Variants in RNF123 observed in about 807,000 individuals in gnomAD.
RNF123 encodes E3 ubiquitin-protein ligase RNF123.
Under a neutral mutation model 168.5 loss-of-function variants are expected in RNF123, and 86 were observed. The ratio of observed to expected loss-of-function variants is 0.51; its 90% CI spans 0.43 to 0.61. The LOEUF (loss-of-function observed/expected upper bound fraction) is 0.61. Ranked by LOEUF, RNF123 falls within the 20% of genes least tolerant of loss-of-function variation. The pLI, the probability that RNF123 is intolerant of heterozygous loss-of-function variation, is 0.00. For synonymous variants in RNF123, 666 were observed against 689.1 expected (o/e 0.97, Z 0.52); for missense variants, 1,419 against 1,729.7 (o/e 0.82, Z 3.19).
intron 35 of RNF123, chr3:49,718,569 G>T: frequency 1.2e-6 from 2 of 1,613,122 alleles, no homozygotes; most frequent in South Asian, 1.1e-5. Context: ...TGGTGTTGCA[G>T]TAAAGCCTCA....
chr3:49,710,600 A>G (rs1449510367), intron 26 of RNF123, among the ~76,000 whole-genome samples: 1 of 152,098 alleles, frequency 6.6e-6, no homozygotes, highest in Non-Finnish European at 1.5e-5. Flanking sequence ...ATTTTGCTGA[A>G]TTTATTTATT....
At chr3:49,715,138 G>T (rs2080214670) in intron 31 of RNF123, among the ~76,000 whole-genome samples, 1 of 152,284 alleles carries the variant, frequency 6.6e-6, no homozygotes, top group African/African-American at 2.4e-5. Flanking sequence ...CAGGCCAAGG[G>T]CAGCAGAGGA....
At chr3:49,708,415 A>G (rs1249134622) in intron 26 of RNF123, among the ~76,000 whole-genome samples, 1 of 152,094 alleles carries the variant, frequency 6.6e-6, no homozygotes, top group Non-Finnish European at 1.5e-5. Flanking sequence ...GCTCCCACCC[A>G]TCCCCACCTG....
rs535617958 is a variant in RNF123, at chr3:49,702,978, C to T, written c.1750+225C>T. Among the ~76,000 whole-genome samples, 15 of 152,340 alleles carry T rather than the reference C, an allele frequency of 9.8e-5. No individual in the cohort carries two copies. In the East Asian group the frequency reaches 1.7e-3, roughly 18 times the overall value. On this transcript the variant is annotated intron_variant, in intron 20 of 38. Transcript: ENST00000327697. ...TCCTGTGTTTGCTCTGATTGTCCCA[C>T]GGGCTCCTACCATTGTGGGCTCTTT...
chr3:49,699,168 G>A lies in RNF123; in HGVS notation c.764+63G>A. The stretch of plus-strand genomic sequence containing the variant: ...GCTCTTGGGGAGGCTGGGATGAGGG[G>A]CTCCCTACCCCAGGGGTGCCATGGG... On this transcript the variant is annotated intron_variant, in intron 10 of 38. Coordinates refer to ENST00000327697, the MANE Select transcript of RNF123 (RefSeq NM_022064.5). This position sits in a 1 kb window ranked among gnomAD's most constrained non-coding sequence, Gnocchi z 4.8. 1 of 1,568,112 alleles carries A rather than the reference G, an allele frequency of 6.4e-7. No homozygotes were observed.
rs371586883 is a variant in RNF123, at chr3:49,716,594, G to C, written c.3500+117G>C. ...TCTGGAAAATGGACCTCAGCATCAG[G>C]TTTTGAGGCAGAGGGAAGGTGGTGA... is the stretch of plus-strand genomic sequence containing the variant. On this transcript the variant is annotated intron_variant, in intron 35 of 38. Transcript: ENST00000327697. 279 of 899,508 alleles carry C rather than the reference G, an allele frequency of 3.1e-4. 1 individual carries two copies. The South Asian group carries it at 3.8e-3, about 12-fold the overall frequency. 55.7% of individuals were successfully genotyped at this position (899,508 alleles called of 1,614,324 possible).
intron 26 of RNF123, among the ~76,000 whole-genome samples, chr3:49,707,811 C>T (rs558921758): frequency 7.0e-4 from 107 of 152,156 alleles, no homozygotes; most frequent in African/African-American, 2.4e-3. Context: ...CGGGAACTTC[C>T]TCTCCCTTCT....
rs779447603 is a variant in RNF123 at position 49,720,570 on chromosome 3, G to GCTAT, written c.3563_3566dup (p.Leu1190SerfsTer18). On this transcript the variant is annotated frameshift_variant, in exon 36 of 39. Transcript: ENST00000327697. LOFTEE classifies it high-confidence loss of function. ...CCCTGCTTCCAGCTACGCTCAATATGCTATCTCCTGGGACAGCCAGAGCCC... is the reference window on the plus strand; with the variant it reads ...CCCTGCTTCCAGCTACGCTCAATATGCTATCTATCTCCTGGGACAGCCAGAGCCC... 12 of 1,611,876 alleles carry GCTAT rather than the reference G, an allele frequency of 7.4e-6. No homozygotes were observed. Among genetic ancestry groups the GCTAT allele is most frequent in the African/African-American group, 5.3e-5 (4 of 74,854 alleles).
At position 49,721,266 on chromosome 3, in the gene RNF123, G is replaced by A. The variant is rs768685100; in HGVS notation, c.3906G>A (p.Glu1302=). 2 of 1,614,216 alleles carry A rather than the reference G, an allele frequency of 1.2e-6. No homozygotes were observed. Among genetic ancestry groups the A allele is most frequent in the Admixed American group, 3.3e-5 (2 of 60,032 alleles). Residue 1302 remains glutamate, a synonymous_variant, in exon 39 of 39, where the codon GAG becomes GAA. Coordinates refer to ENST00000327697, the MANE Select transcript of RNF123 (RefSeq NM_022064.5). ...KTTIVSVEDW[E]KGANTSTTSS... ...CCATCGTGTCTGTAGAGGACTGGGA[G>A]AAGGGAGCCAATACGAGTACTACCT...
chr3:49,719,474 C>T, intron 35 of RNF123: 1 of 1,606,472 alleles, frequency 6.2e-7, no homozygotes, highest in Non-Finnish European at 8.5e-7. Flanking sequence ...ATGGCGGCGA[C>T]CACCAGGGAC....
chr3:49,710,124 C>T (rs777694509), intron 26 of RNF123, among the ~76,000 whole-genome samples: 7 of 152,112 alleles, frequency 4.6e-5, no homozygotes, highest in Non-Finnish European at 8.8e-5. Flanking sequence ...GCATGAGCCA[C>T]CACACCCGGC....
At chr3:49,706,142 G>A (rs1263205940) in intron 25 of RNF123, 77 bp downstream of exon 25, 7 of 1,338,924 alleles carry the variant, frequency 5.2e-6, no homozygotes, top group Non-Finnish European at 7.5e-6. Flanking sequence ...TGGTTCTGGG[G>A]GCTGCCCTGG....
intron 23 of RNF123, 26 bp downstream of exon 23, chr3:49,705,208 G>A (rs1362609899): frequency 6.3e-7 from 1 of 1,576,996 alleles, no homozygotes; most frequent in Non-Finnish European, 8.6e-7. Context: ...GGTCAGGCAG[G>A]TCCCCGAAGG....
In RNF123 at chr3:49,698,748, A is replaced by G. The variant is rs757041624; in HGVS notation, c.571-7A>G. 2.5e-6 allele frequency: 4 copies of G among 1,613,206 alleles called. No individual in the cohort carries two copies. Among genetic ancestry groups the G allele is most frequent in the Middle Eastern group, 1.6e-4 (1 of 6,076 alleles). ...TGTGCATCTGGTGAGGCCTCCTCTC[A>G]TGGCAGGCGTGGGCAGCGGGGGACA... is the stretch of plus-strand genomic sequence containing the variant. On this transcript the variant is annotated splice_polypyrimidine_tract_variant and splice_region_variant and intron_variant, in intron 8 of 38. Coordinates refer to ENST00000327697, the MANE Select transcript of RNF123 (RefSeq NM_022064.5).
intron 15 of RNF123, among the ~76,000 whole-genome samples, 166 bp downstream of exon 15, chr3:49,700,875 G>A (rs1403580663): frequency 6.6e-6 from 1 of 152,238 alleles, no homozygotes; most frequent in East Asian, 1.9e-4. Context: ...AGAGAGCAAA[G>A]GACTGAGCCT....
rs1442962366 is a variant in RNF123, at chr3:49,719,669, C to T, written c.3501-842C>T. On this transcript the variant is annotated intron_variant, in intron 35 of 38. Transcript: ENST00000327697. ...GCACTCTTAGCCGCGCTCCCTTCGG[C>T]TTCGCTAGCCCTCTCCAAGCGAGTT... The T allele has an allele frequency of 4.2e-5, 24 of 568,958 alleles. No individual in the cohort carries two copies. In the Middle Eastern group the frequency reaches 1.4e-3, roughly 33 times the overall value. 35.2% of individuals were successfully genotyped at this position (568,958 alleles called of 1,614,324 possible). A position where few individuals can be genotyped will look rare whatever the true frequency, so the allele number is the denominator to read the frequency against.
chr3:49,719,117 A>AT (rs1401784031), intron 35 of RNF123: 4 of 1,613,572 alleles, frequency 2.5e-6, no homozygotes, highest in Non-Finnish European at 3.4e-6. Flanking sequence ...GTGTTAGATG[A>AT]TAGATCGAGC....
intron 35 of RNF123, chr3:49,718,993 G>A: frequency 1.2e-6 from 2 of 1,613,834 alleles, no homozygotes; most frequent in Non-Finnish European, 1.7e-6. Flanking sequence ...ATGGCTGAGC[G>A]CGCGCAGGCC....
chr3:49,717,909 C>G (rs776510707), intron 35 of RNF123: 2 of 1,575,098 alleles, frequency 1.3e-6, no homozygotes, highest in African/African-American at 1.4e-5. Context: ...GCAGGGCGAG[C>G]AGCAAGAGGG....
Sources: allele counts gnomAD v4.1 joint callset (sites outside exome capture counted in the v4.1 genomes callset), GRCh38; gene constraint gnomAD v4.1.1; non-coding constraint Gnocchi (gnomAD v3.1); transcripts MANE v1.5; gene names NCBI Gene and HGNC (gene_info 2026-07-23, HGNC 2026-07-21).